Variants in ZNF821 observed in about 807,000 individuals in gnomAD.
ZNF821 encodes zinc finger protein 821.
In ZNF821, 16 loss-of-function variants were observed where a neutral mutation model predicts 44.3. That is an observed-to-expected ratio of 0.36 (90% CI 0.24 to 0.55). The LOEUF is 0.55. Among genes scored for constraint, ZNF821 ranks in the 20% least tolerant of loss-of-function variants. The pLI, the probability that ZNF821 is intolerant of heterozygous loss-of-function variation, is 0.86. For synonymous variants in ZNF821, 204 were observed against 197.6 expected (o/e 1.03, Z -0.27); for missense variants, 436 against 547.6 (o/e 0.80, Z 2.03).
At chr16:71,872,094 G>A (rs142336745) in intron 3 of ZNF821, among the ~76,000 whole-genome samples, 20,737 of 151,974 alleles carry the variant, frequency 0.14, 1,748 homozygotes, top group South Asian at 0.38. Context: ...GCCTCCCAAA[G>A]TGGTGGGATT....
intron 2 of ZNF821, chr16:71,880,368 A>C (rs1342833567): frequency 6.4e-6 from 1 of 155,754 alleles, no homozygotes; most frequent in African/African-American, 2.4e-5. Context: ...CAAGGGGATA[A>C]CTCCGATGAA....
upstream of ZNF821, among the ~76,000 whole-genome samples, chr16:71,889,094 T>A (rs1427616725): frequency 1.3e-5 from 2 of 151,978 alleles, no homozygotes; most frequent in South Asian, 2.1e-4. Flanking sequence ...AAATGTTTTT[T>A]AAAAATTAGC....
upstream of ZNF821, among the ~76,000 whole-genome samples, chr16:71,888,999 C>G (rs778954421): frequency 2.0e-5 from 3 of 152,112 alleles, no homozygotes; most frequent in Non-Finnish European, 4.4e-5. Flanking sequence ...TGGCTCATGC[C>G]TTTGGGAGGC....
chr16:71,860,687 T>C lies in ZNF821; in HGVS notation c.585-15A>G, dbSNP rs768181783. On this transcript the variant is annotated splice_polypyrimidine_tract_variant and intron_variant, in intron 7 of 7. Coordinates refer to ENST00000425432, the MANE Select transcript of ZNF821 (RefSeq NM_001201552.2). The surrounding 1 kb of genome is among the most constrained non-coding windows in gnomAD (Gnocchi z 7.3). ...GAAGTTTCTCACTGGAAAGGAAACA[T>C]TTTGGATGGTTAGTGTTTCCTTCTA... is the stretch of plus-strand genomic sequence containing the variant. 1 of 1,606,702 alleles carries C rather than the reference T, an allele frequency of 6.2e-7. No homozygotes were observed. Among genetic ancestry groups the C allele is most frequent in the Non-Finnish European group, 8.5e-7 (1 of 1,177,172 alleles).
chr16:71,894,716 T>TTTTTGG, intron 1 of ZNF821: 1 of 557,204 alleles, frequency 1.8e-6, no homozygotes, highest in South Asian at 2.5e-5. Flanking sequence ...TTTTTTTTTT[T>TTTTTGG]GTAGCGATGC....
Position 71,884,156 on chromosome 16 carries a change from G to A in ZNF821, c.-389C>T, listed in dbSNP as rs1238164635. 1 of 152,102 alleles carries A rather than the reference G, an allele frequency of 6.6e-6. No individual in the cohort carries two copies. Among genetic ancestry groups the A allele is most frequent in the Non-Finnish European group, 1.5e-5 (1 of 68,066 alleles). 9.4% of individuals were successfully genotyped at this position (152,102 alleles called of 1,614,324 possible). A position where few individuals can be genotyped will look rare whatever the true frequency, so the allele number is the denominator to read the frequency against. On this transcript the variant is annotated 5_prime_UTR_variant, in exon 1 of 8. Transcript: ENST00000425432. ...GGAGGGGGAAAAAGATGGCGACGCG[G>A]GCGGCGGGAGCGCGCGGCTCGCGCA... is the stretch of plus-strand genomic sequence containing the variant.
In ZNF821 at chr16:71,879,894, G is replaced by C; in HGVS notation, c.40+13C>G. 6.2e-7 allele frequency: 1 copy of C among 1,612,460 alleles called. No individual in the cohort carries two copies. Among genetic ancestry groups the C allele is most frequent in the Non-Finnish European group, 8.5e-7 (1 of 1,179,232 alleles). ...GCATTCCCAGGTTCCAGAAGACAAA[G>C]CCCGATACTCACAGTGAACTTTATT... On this transcript the variant is annotated intron_variant, in intron 3 of 7. Coordinates refer to ENST00000425432, the MANE Select transcript of ZNF821 (RefSeq NM_001201552.2).
intron 3 of ZNF821, among the ~76,000 whole-genome samples, chr16:71,868,580 ACTTT>A (rs1471211898): frequency 2.6e-5 from 4 of 152,278 alleles, no homozygotes; most frequent in African/African-American, 9.6e-5. Context: ...TTCTTCCTTG[ACTTT>A]CTTTATAATG....
Position 71,860,772 on chromosome 16 carries a change from C to T in ZNF821, c.585-100G>A. On this transcript the variant is annotated intron_variant, in intron 7 of 7. Coordinates refer to ENST00000425432, the MANE Select transcript of ZNF821 (RefSeq NM_001201552.2). The surrounding 1 kb of genome is among the most constrained non-coding windows in gnomAD (Gnocchi z 7.3). ...TTCCTATGAGGCCAGTGGCTCCACG[C>T]TCACCACAAGGGGTCAGTTTGAATG... 1 of 1,253,026 alleles carries T rather than the reference C, an allele frequency of 8.0e-7. No homozygotes were observed. 77.6% of individuals were successfully genotyped at this position (1,253,026 alleles called of 1,614,324 possible).
chr16:71,894,637 TG>T, intron 1 of ZNF821: 1 of 487,646 alleles, frequency 2.1e-6, no homozygotes, highest in Non-Finnish European at 3.7e-6. Flanking sequence ...GCGATCTTCC[TG>T]CCTCAGCCTC....
intron 3 of ZNF821, among the ~76,000 whole-genome samples, chr16:71,871,645 G>A (rs571122056): frequency 1.3e-5 from 2 of 152,042 alleles, no homozygotes; most frequent in Admixed American, 1.3e-4. Flanking sequence ...TCTGGAGTAG[G>A]TTTAAAAAAA....
chr16:71,887,257 A>AG (rs2036863493), upstream of ZNF821, among the ~76,000 whole-genome samples: 2 of 103,510 alleles, frequency 1.9e-5, no homozygotes, highest in African/African-American at 7.6e-5. Context: ...TCTATATTCA[A>AG]CCTTTTTTTT....
intron 1 of ZNF821, chr16:71,894,559 T>A: frequency 3.2e-6 from 1 of 311,840 alleles, no homozygotes. Context: ...TTTCTTTTTT[T>A]CTGTAGCCTA....
At chr16:71,892,504 G>C (rs1290357926) in intron 1 of ZNF821, among the ~76,000 whole-genome samples, 1 of 150,942 alleles carries the variant, frequency 6.6e-6, no homozygotes, top group Non-Finnish European at 1.5e-5. Flanking sequence ...TCCTGACCTC[G>C]TGATCCACCC....
At chr16:71,865,901 C>CTG (rs2034482031) in intron 4 of ZNF821, among the ~76,000 whole-genome samples, 1 of 152,142 alleles carries the variant, frequency 6.6e-6, no homozygotes, top group African/African-American at 2.4e-5. Context: ...GGAGGTCTGC[C>CTG]TGTGGCTGGG....
At chr16:71,865,618 G>C (rs2034449923) in intron 4 of ZNF821, among the ~76,000 whole-genome samples, 1 of 152,192 alleles carries the variant, frequency 6.6e-6, no homozygotes, top group Non-Finnish European at 1.5e-5. Context: ...TATAGGGAAA[G>C]GGCTGCTCAT....
intron 3 of ZNF821, among the ~76,000 whole-genome samples, chr16:71,875,989 T>A (rs948482623): frequency 6.6e-6 from 1 of 152,194 alleles, no homozygotes; most frequent in African/African-American, 2.4e-5. Context: ...TACGTGGGCA[T>A]AGACATTGGC....
intron 4 of ZNF821, among the ~76,000 whole-genome samples, chr16:71,866,019 GA>G (rs950975910): frequency 5.9e-5 from 9 of 152,110 alleles, no homozygotes; most frequent in Admixed American, 4.6e-4. Context: ...TTCTGAAAGG[GA>G]AAAAATAAAG....
rs113450973 is a variant in ZNF821, at chr16:71,864,515, C to T, written c.313-273G>A. Among the ~76,000 whole-genome samples the T allele has an allele frequency of 3.4e-4, 52 of 152,316 alleles. 1 individual carries two copies. The highest frequency in any genetic ancestry group is 1.1e-3 in the African/African-American group (46 of 41,566). ...GGGGTAGCGTTTTTCCTGTCATGTTCCTTTCAGGAATCCTCAGGAAACAAG... is the reference window on the plus strand; with the variant it reads ...GGGGTAGCGTTTTTCCTGTCATGTTTCTTTCAGGAATCCTCAGGAAACAAG... On this transcript the variant is annotated intron_variant, in intron 5 of 7. Transcript: ENST00000425432.
Sources: gnomAD v4.1 joint callset for allele counts (sites outside exome capture counted in the v4.1 genomes callset) on GRCh38, gnomAD v4.1.1 for gene constraint, Gnocchi (gnomAD v3.1) non-coding constraint, MANE v1.5 for transcripts, NCBI Gene and HGNC (gene_info 2026-07-23, HGNC 2026-07-21) for gene names.